The following PTPRG variants were observed in gnomAD, a reference collection of about 807,000 sequenced individuals.
The protein encoded by PTPRG is protein tyrosine phosphatase receptor type G.
Under a neutral mutation model 165.3 loss-of-function variants are expected in PTPRG, and 102 were observed. The observed-to-expected ratio is 0.62, with a 90% confidence interval of 0.53 to 0.73. The LOEUF (loss-of-function observed/expected upper bound fraction) is 0.73. Ranked by LOEUF, PTPRG falls within the 30% of genes least tolerant of loss-of-function variation. The probability of loss-of-function intolerance (pLI) is 0.00; values close to 1 mark genes in which losing one functional copy is unlikely to be tolerated. For synonymous variants in PTPRG, 675 were observed against 669.5 expected (o/e 1.01, Z -0.13); for missense variants, 1,866 against 1,861.4 (o/e 1.00, Z -0.05).
intron 2 of PTPRG, among the ~76,000 whole-genome samples, chr3:61,880,737 C>T (rs1575748017): frequency 6.6e-6 from 1 of 151,786 alleles, no homozygotes; most frequent in African/African-American, 2.4e-5. Context: ...AAATGTTTAG[C>T]CAGAAATCTT....
In PTPRG at chr3:62,292,435, C is replaced by G; in HGVS notation, c.4070C>G (p.Ser1357Ter). ...TIVHDEYGAV[S>*]AGMLCALTTL... ...TTCTCCCCCAGGTATGGAGCAGTTT[C>G]AGCAGGAATGTTATGTGCCCTTACC... Residue 1357 changes from serine to a stop codon, truncating the protein, a stop_gained, in exon 29 of 30, where the codon TCA becomes TGA. Coordinates refer to ENST00000474889, the MANE Select transcript of PTPRG (RefSeq NM_002841.4). LOFTEE classifies it high-confidence loss of function. The G allele has an allele frequency of 6.2e-7, 1 of 1,612,584 alleles. No homozygotes were observed. The highest frequency in any genetic ancestry group is 8.5e-7 in the Non-Finnish European group (1 of 1,179,376).
chr3:61,727,724 TCTTAA>T (rs1246513981), intron 1 of PTPRG, among the ~76,000 whole-genome samples: 1 of 152,182 alleles, frequency 6.6e-6, no homozygotes, highest in Non-Finnish European at 1.5e-5. Context: ...GGTCACCAAG[TCTTAA>T]CTTTAATCCC....
intron 2 of PTPRG, among the ~76,000 whole-genome samples, chr3:61,973,696 G>T (rs1482624206): frequency 1.3e-5 from 2 of 152,012 alleles, no homozygotes; most frequent in Non-Finnish European, 2.9e-5. Context: ...CCTGGGCGTG[G>T]TGGTGGGCGC....
chr3:61,660,606 G>C (rs906545446), intron 1 of PTPRG, among the ~76,000 whole-genome samples: 4 of 152,138 alleles, frequency 2.6e-5, no homozygotes, highest in Non-Finnish European at 5.9e-5. Context: ...CATGGTGTTG[G>C]TATCAGGATT....
At chr3:61,624,328 C>G (rs528838285) in intron 1 of PTPRG, among the ~76,000 whole-genome samples, 2 of 152,286 alleles carry the variant, frequency 1.3e-5, no homozygotes, top group Non-Finnish European at 2.9e-5. Flanking sequence ...ATGAACCCAA[C>G]TAAAAAACTA....
In PTPRG at chr3:61,647,623, C is replaced by T. The variant is rs371867163; in HGVS notation, c.85+85251C>T. Among the ~76,000 whole-genome samples the T allele has an allele frequency of 1.8e-4, 28 of 151,866 alleles. 1 individual carries two copies. Among genetic ancestry groups the T allele is most frequent in the South Asian group, 1.0e-3 (5 of 4,800 alleles). ...GGCTAACACAGTGAAACCCCGTCTCCACTAAAAAATACAAAAAAATTAGCC... is the reference window on the plus strand; with the variant it reads ...GGCTAACACAGTGAAACCCCGTCTCTACTAAAAAATACAAAAAAATTAGCC... On this transcript the variant is annotated intron_variant, in intron 1 of 29. Transcript: ENST00000474889.
chr3:61,859,429 A>G (rs1418628697), intron 2 of PTPRG, among the ~76,000 whole-genome samples: 1 of 152,302 alleles, frequency 6.6e-6, no homozygotes, highest in East Asian at 1.9e-4. Context: ...ATCTAAAATC[A>G]TGGAATATCA....
chr3:61,583,611 G>A (rs111682838), intron 1 of PTPRG, among the ~76,000 whole-genome samples: 3 of 152,128 alleles, frequency 2.0e-5, no homozygotes, highest in Admixed American at 6.5e-5. Context: ...TCTCCTCTCT[G>A]TGTTCTTGAT....
At chr3:62,064,248 G>GT (rs1339448875) in intron 4 of PTPRG, among the ~76,000 whole-genome samples, 3 of 152,218 alleles carry the variant, frequency 2.0e-5, no homozygotes, top group African/African-American at 7.2e-5. Flanking sequence ...ACTACTGTTA[G>GT]TTTGTGCTGT....
intron 2 of PTPRG, among the ~76,000 whole-genome samples, chr3:61,981,347 A>C (rs2040639925): frequency 6.6e-6 from 1 of 152,222 alleles, no homozygotes; most frequent in African/African-American, 2.4e-5. Context: ...CTGAACTGAG[A>C]AATCTTCCAG....
At chr3:62,075,114 T>A (rs546772753) in intron 4 of PTPRG, among the ~76,000 whole-genome samples, 63 of 152,358 alleles carry the variant, frequency 4.1e-4, no homozygotes, top group African/African-American at 1.5e-3. Context: ...TGGGTGGAGC[T>A]GTGACCCAAA....
chr3:62,049,031 G>C (rs1350498378), intron 4 of PTPRG, among the ~76,000 whole-genome samples: 1 of 151,908 alleles, frequency 6.6e-6, no homozygotes, highest in African/African-American at 2.4e-5. Context: ...ATATAAAATA[G>C]AAGAAATGAC....
At chr3:61,791,408 C>A (rs2034862801) in intron 2 of PTPRG, among the ~76,000 whole-genome samples, 1 of 152,214 alleles carries the variant, frequency 6.6e-6, no homozygotes, top group Non-Finnish European at 1.5e-5. Context: ...CAAAATGATT[C>A]TTTTACTTAG....
intron 1 of PTPRG, among the ~76,000 whole-genome samples, chr3:61,653,631 T>C (rs1702422073): frequency 6.6e-6 from 1 of 152,154 alleles, no homozygotes; most frequent in Non-Finnish European, 1.5e-5. Context: ...AGCTAAATCA[T>C]TGCATATGTC....
At chr3:61,675,249 T>G (rs572714002) in intron 1 of PTPRG, among the ~76,000 whole-genome samples, 34 of 152,324 alleles carry the variant, frequency 2.2e-4, no homozygotes, top group African/African-American at 7.5e-4. Context: ...TTGGATAACT[T>G]TTCCGGAGGA....
intron 8 of PTPRG, 129 bp downstream of exon 8, chr3:62,168,292 G>A: frequency 4.5e-6 from 4 of 886,292 alleles, no homozygotes; most frequent in Non-Finnish European, 5.1e-6. Context: ...CTGCTAAAGG[G>A]AGCCTGTCTG....
intron 2 of PTPRG, among the ~76,000 whole-genome samples, chr3:61,943,571 C>CT (rs1320052584): frequency 1.3e-5 from 2 of 152,216 alleles, no homozygotes; most frequent in Non-Finnish European, 2.9e-5. Context: ...GAGTGAGACT[C>CT]TGTCTCAAAA....
chr3:62,113,272 G>A lies in PTPRG; in HGVS notation c.616-19330G>A, dbSNP rs371032935. 2.6e-5 allele frequency among the ~76,000 whole-genome samples: 4 copies of A among 152,154 alleles called. No homozygotes were observed. In the South Asian group the frequency reaches 8.3e-4, roughly 31 times the overall value. On this transcript the variant is annotated intron_variant, in intron 5 of 29. Coordinates refer to ENST00000474889, the MANE Select transcript of PTPRG (RefSeq NM_002841.4). ...TGTTCCTATTACCTGCCACAGAGGA[G>A]TCCAGCTGTGGTTTGACAGCATCTG...
chr3:62,022,045 T>TA (rs1323902386), intron 4 of PTPRG, among the ~76,000 whole-genome samples: 5 of 152,136 alleles, frequency 3.3e-5, no homozygotes, highest in Non-Finnish European at 7.4e-5. Context: ...CAATTTACGT[T>TA]AAATTTTATT....
Sources: gnomAD v4.1 joint callset for allele counts (sites outside exome capture counted in the v4.1 genomes callset) on GRCh38, gnomAD v4.1.1 for gene constraint, MANE v1.5 for transcripts, NCBI Gene and HGNC (gene_info 2026-07-23, HGNC 2026-07-21) for gene names.